GZF1: variants seen among roughly 807,000 people sequenced by gnomAD.
GZF1 encodes GDNF-inducible zinc finger protein 1.
GZF1 carries 28 observed loss-of-function variants against 49.4 expected under a neutral mutation model. That is an observed-to-expected ratio of 0.57 (90% CI 0.42 to 0.78). The LOEUF (loss-of-function observed/expected upper bound fraction) is 0.78, where lower values mean the gene tolerates loss of function less well. Ranked by LOEUF, GZF1 falls within the 30% of genes least tolerant of loss-of-function variation. The pLI is 0.00. For missense variants in GZF1, 798 were observed against 916.2 expected (o/e 0.87, Z 1.67); for synonymous variants, 364 against 356.0 (o/e 1.02, Z -0.25).
rs1329675691 is a variant in GZF1, at chr20:23,368,831, A to G, written c.1529A>G (p.Asn510Ser). Residue 510 changes from asparagine (N) to serine (S), a missense_variant, in exon 4 of 6, where the codon AAT becomes AGT. By Grantham distance (46) the Asn-to-Ser change is conservative. This residue lies in a region of GZF1 where 446 missense variants were observed against 540.1 expected (regional missense o/e 0.83). Transcript: ENST00000338121. ...FASKEYLKHHNRIHTGSKPFK... is the reference protein window; with the variant it reads ...FASKEYLKHHSRIHTGSKPFK... ...TCTAAGGAGTACTTAAAACACCACA[A>G]TAGAATCCATACTGGATCCAAACCC... 10 of 1,613,730 alleles carry G rather than the reference A, an allele frequency of 6.2e-6. No homozygotes were observed. Among genetic ancestry groups the G allele is most frequent in the Admixed American group, 5.0e-5 (3 of 59,990 alleles).
At position 23,370,057 on chromosome 20, in the gene GZF1, A is replaced by G. The variant is rs551920336; in HGVS notation, c.1786-34A>G. The G allele has an allele frequency of 3.9e-6, 6 of 1,551,436 alleles. No individual in the cohort carries two copies. The African/African-American group carries it at 6.8e-5, about 18-fold the overall frequency. On this transcript the variant is annotated intron_variant, in intron 5 of 5. Coordinates refer to ENST00000338121, the MANE Select transcript of GZF1 (RefSeq NM_022482.5). ...AAAAGATGCACTTGTCCAGAGACAC[A>G]TTCAGTGACCTTTGTTTTGTGTTTA... is the stretch of plus-strand genomic sequence containing the variant.
At position 23,368,864 on chromosome 20, in the gene GZF1, G is replaced by A. The variant is rs765319099; in HGVS notation, c.1562G>A (p.Cys521Tyr). 6.2e-7 allele frequency: 1 copy of A among 1,613,992 alleles called. No individual in the cohort carries two copies. Among genetic ancestry groups the A allele is most frequent in the South Asian group, 1.1e-5 (1 of 91,072 alleles). ...CATACTGGATCCAAACCCTTTAAAT[G>A]TGAAGTATGTTTCAGGACTTTTGCC... ...RIHTGSKPFK[C>Y]EVCFRTFAQR... Residue 521 changes from cysteine to tyrosine, a missense_variant, in exon 4 of 6, where the codon TGT becomes TAT. Coordinates refer to ENST00000338121, the MANE Select transcript of GZF1 (RefSeq NM_022482.5).
At position 23,365,154 on chromosome 20, in the gene GZF1, C is replaced by T. The variant is rs747103547; in HGVS notation, c.771C>T (p.Asp257=). 2.5e-6 allele frequency: 4 copies of T among 1,613,658 alleles called. No individual in the cohort carries two copies. The Admixed American group carries it at 6.7e-5, about 27-fold the overall frequency. ...QQKTAEGDVG[D]YRCPQDQSPD... ...AAACTGCTGAGGGTGATGTGGGGGA[C>T]TACAGGTGTCCCCAGGACCAAAGCC... Residue 257 remains aspartate (D), a synonymous_variant, in exon 2 of 6, where the codon GAC becomes GAT. Transcript: ENST00000338121.
chr20:23,366,461 A>G (rs1431940954), intron 2 of GZF1, among the ~76,000 whole-genome samples: 1 of 150,420 alleles, frequency 6.6e-6, no homozygotes, highest in Non-Finnish European at 1.5e-5. Context: ...TGCTCAGTAA[A>G]TTATGTTTGA....
In GZF1 at chr20:23,370,642, A is replaced by G. The variant is rs2123087842; in HGVS notation, c.*201A>G. ...TCCCTCAAAAATCCTGATCTGCATG[A>G]TCTCAGCTACTTTATTGACAAAAAG... On this transcript the variant is annotated 3_prime_UTR_variant, in exon 6 of 6. Coordinates refer to ENST00000338121, the MANE Select transcript of GZF1 (RefSeq NM_022482.5). 1.7e-6 allele frequency: 1 copy of G among 576,352 alleles called. No individual in the cohort carries two copies. The highest frequency in any genetic ancestry group is 2.2e-5 in the South Asian group (1 of 46,214). 35.7% of individuals were successfully genotyped at this position (576,352 alleles called of 1,614,324 possible).
At position 23,370,132 on chromosome 20, in the gene GZF1, T is replaced by G; in HGVS notation, c.1827T>G (p.Ile609Met). The change falls in exon 6 of 6, where the codon ATT (isoleucine) becomes ATG (methionine). Residue 609 changes from isoleucine (I) to methionine (M), a missense_variant. Coordinates refer to ENST00000338121, the MANE Select transcript of GZF1 (RefSeq NM_022482.5). ...CTCCATGGAAGTCTTTCCTTGTCAT[T>G]GTAGATGGCTCGCCCAAGAACGATG... ...KNTPWKSFLV[I>M]VDGSPKNDDG... 1 of 1,614,224 alleles carries G rather than the reference T, an allele frequency of 6.2e-7. No individual in the cohort carries two copies.
chr20:23,366,129 G>A (rs949755329), intron 2 of GZF1, among the ~76,000 whole-genome samples: 1 of 152,224 alleles, frequency 6.6e-6, no homozygotes, highest in Non-Finnish European at 1.5e-5. Context: ...ACCTCAGTGA[G>A]ATGCCATTTC....
In GZF1 at chr20:23,372,823, T is replaced by C. The variant is rs1480329678; in HGVS notation, c.*2382T>C. 1 of 152,122 alleles carries C rather than the reference T, an allele frequency of 6.6e-6. No individual in the cohort carries two copies. Among genetic ancestry groups the C allele is most frequent in the East Asian group, 1.9e-4 (1 of 5,188 alleles). 9.4% of individuals were successfully genotyped at this position (152,122 alleles called of 1,614,324 possible). A position where few individuals can be genotyped will look rare whatever the true frequency, so the allele number is the denominator to read the frequency against. On this transcript the variant is annotated 3_prime_UTR_variant, in exon 6 of 6. Coordinates refer to ENST00000338121, the MANE Select transcript of GZF1 (RefSeq NM_022482.5). Reference sequence around the variant, plus strand: ...GCTTGCTTCAACCATTTTCCAACCATTTTCTGTGAAATGCTGTCAGCCCAA... The same window carrying C: ...GCTTGCTTCAACCATTTTCCAACCACTTTCTGTGAAATGCTGTCAGCCCAA...
intron 2 of GZF1, among the ~76,000 whole-genome samples, chr20:23,366,740 C>T (rs984567854): frequency 1.3e-5 from 2 of 152,120 alleles, no homozygotes; most frequent in African/African-American, 4.8e-5. Context: ...CTGCACATGC[C>T]TTATAGCATC....
chr20:23,361,812 T>C (rs1980685115), upstream of GZF1, among the ~76,000 whole-genome samples: 1 of 152,186 alleles, frequency 6.6e-6, no homozygotes, highest in Admixed American at 6.5e-5. Flanking sequence ...CCGGAAGCGC[T>C]GGCGCCTTGC....
Position 23,367,106 on chromosome 20 carries a change from T to C in GZF1, c.1459+9T>C. The C allele has an allele frequency of 6.4e-7, 1 of 1,555,254 alleles. No homozygotes were observed. Among genetic ancestry groups the C allele is most frequent in the Non-Finnish European group, 8.9e-7 (1 of 1,128,588 alleles). The stretch of plus-strand genomic sequence containing the variant: ...TAAAAGGTGTCACACAGGTAAATAC[T>C]CATGCTGTTGTGATTGAATGTCTTT... On this transcript the variant is annotated intron_variant, in intron 3 of 5. Coordinates refer to ENST00000338121, the MANE Select transcript of GZF1 (RefSeq NM_022482.5).
Position 23,364,971 on chromosome 20 carries a change from G to C in GZF1, c.588G>C (p.Leu196Phe), listed in dbSNP as rs2123036947. 2.5e-6 allele frequency: 4 copies of C among 1,614,228 alleles called. No homozygotes were observed. The highest frequency in any genetic ancestry group is 3.4e-6 in the Non-Finnish European group (4 of 1,180,052). Residue 196 changes from leucine (L) to phenylalanine (F), a missense_variant, in exon 2 of 6, where the codon TTG (leucine) becomes TTC (phenylalanine). Physicochemically the swap from Leu to Phe is conservative, Grantham distance 22. Coordinates refer to ENST00000338121, the MANE Select transcript of GZF1 (RefSeq NM_022482.5). Reference sequence around the variant, plus strand: ...CCAGCAATGGCATGTCTTCAGATTTGCCACCGAAGAAGTCCAAGGACAAAC... The same window carrying C: ...CCAGCAATGGCATGTCTTCAGATTTCCCACCGAAGAAGTCCAAGGACAAAC... ...ERASNGMSSD[L>F]PPKKSKDKLD...
chr20:23,369,793 C>A, intron 5 of GZF1, 52 bp downstream of exon 5: 1 of 1,554,048 alleles, frequency 6.4e-7, no homozygotes, highest in Non-Finnish European at 8.7e-7. Context: ...CTTAGATGCA[C>A]GGAAAGAGAA....
At chr20:23,361,783 G>A (rs1455684273), upstream of GZF1, among the ~76,000 whole-genome samples, 1 of 152,226 alleles carries the variant, frequency 6.6e-6, no homozygotes, top group Admixed American at 6.5e-5. Context: ...TGCAGGCCCT[G>A]ACCGCAGGCT....
Position 23,371,155 on chromosome 20 carries a change from GTT to G in GZF1, c.*716_*717del, listed in dbSNP as rs1982038434. 6.6e-6 allele frequency: 1 copy of G among 152,606 alleles called. No homozygotes were observed. Among genetic ancestry groups the G allele is most frequent in the African/African-American group, 2.4e-5 (1 of 41,442 alleles). The allele number at this position is 152,606 out of a possible 1,614,324, so 9.5% of individuals were successfully genotyped here. On this transcript the variant is annotated 3_prime_UTR_variant, in exon 6 of 6. Coordinates refer to ENST00000338121, the MANE Select transcript of GZF1 (RefSeq NM_022482.5). The stretch of plus-strand genomic sequence containing the variant: ...CTTAGAAATGAGATGAGGCTGTTCA[GTT>G]TGTCTTAAAAAAATCAGATTAGGTA...
rs564187514 is a variant in GZF1, at chr20:23,369,155, A to G, written c.1627+226A>G. On this transcript the variant is annotated intron_variant, in intron 4 of 5. Coordinates refer to ENST00000338121, the MANE Select transcript of GZF1 (RefSeq NM_022482.5). ...GGAGAAGACTAAGTCCCTTTGCTAC[A>G]TGGAGTTTTTACTGAAAAGGACAGA... Among the ~76,000 whole-genome samples the G allele has an allele frequency of 2.0e-5, 3 of 152,230 alleles. No individual in the cohort carries two copies. In the South Asian group the frequency reaches 6.2e-4, roughly 31 times the overall value.
Position 23,372,527 on chromosome 20 carries a change from ACTTT to A in GZF1, c.*2090_*2093del, listed in dbSNP as rs1330202547. The A allele has an allele frequency of 6.6e-6, 1 of 152,174 alleles. No individual in the cohort carries two copies. The highest frequency in any genetic ancestry group is 1.5e-5 in the Non-Finnish European group (1 of 68,026). 9.4% of individuals were successfully genotyped at this position (152,174 alleles called of 1,614,324 possible). A position where few individuals can be genotyped will look rare whatever the true frequency, so the allele number is the denominator to read the frequency against. Reference sequence around the variant, plus strand: ...TGGAAGTGCGGTTGAGCTCTCTGCCACTTTCTTCAATGTAAAAAGTAGGCATCAA... The same window carrying A: ...TGGAAGTGCGGTTGAGCTCTCTGCCACTTCAATGTAAAAAGTAGGCATCAA... On this transcript the variant is annotated 3_prime_UTR_variant, in exon 6 of 6. Coordinates refer to ENST00000338121, the MANE Select transcript of GZF1 (RefSeq NM_022482.5).
chr20:23,364,812 C>G lies in GZF1; in HGVS notation c.429C>G (p.Phe143Leu), dbSNP rs1325992591. 6.2e-7 allele frequency: 1 copy of G among 1,614,122 alleles called. No homozygotes were observed. The highest frequency in any genetic ancestry group is 8.5e-7 in the Non-Finnish European group (1 of 1,180,058). ...LESVLLELQN[F>L]SESQEVEVSS... ...CAGTACTTTTGGAGTTGCAAAATTT[C>G]TCAGAGTCTCAGGAGGTGGAGGTGA... Residue 143 changes from phenylalanine (F) to leucine (L), a missense_variant, in exon 2 of 6, where the codon TTC (phenylalanine) becomes TTG (leucine). Phe to Leu is a conservative substitution (Grantham distance 22). Transcript: ENST00000338121.
chr20:23,367,850 G>T (rs1030046232), intron 3 of GZF1, among the ~76,000 whole-genome samples: 1 of 152,180 alleles, frequency 6.6e-6, no homozygotes, highest in African/African-American at 2.4e-5. Context: ...GCACTGAAGT[G>T]TTCCAATTCT....
Sources: allele counts gnomAD v4.1 joint callset (sites outside exome capture counted in the v4.1 genomes callset), GRCh38; gene constraint gnomAD v4.1.1; regional missense constraint gnomAD v4.1.1; transcripts MANE v1.5; gene names NCBI Gene and HGNC (gene_info 2026-07-23, HGNC 2026-07-21).